The following FAM241A variants were observed in gnomAD, a reference collection of about 807,000 sequenced individuals.
FAM241A encodes uncharacterized protein FAM241A.
In FAM241A, 7 loss-of-function variants were observed where a neutral mutation model predicts 12.2. That is an observed-to-expected ratio of 0.58 (90% CI 0.33 to 1.08). FAM241A has a LOEUF of 1.08. Among genes scored for constraint, FAM241A ranks in the 50% least tolerant of loss-of-function variants. FAM241A has a pLI of 0.04. For missense variants in FAM241A, 161 were observed against 169.7 expected, an observed-to-expected ratio of 0.95 and a Z score of 0.29; for synonymous variants, 74 against 68.2, an observed-to-expected ratio of 1.08 and a Z score of -0.42.
At chr4:112,152,679 CTCT>C (rs1723268145) in intron 1 of FAM241A, among the ~76,000 whole-genome samples, 1 of 152,130 alleles carries the variant, frequency 6.6e-6, no homozygotes, top group African/African-American at 2.4e-5. Context: ...CAACCACTTT[CTCT>C]TCTTCTGCAT....
At chr4:112,168,313 AC>A (rs1228806702) in intron 1 of FAM241A, among the ~76,000 whole-genome samples, 14 of 152,200 alleles carry the variant, frequency 9.2e-5, no homozygotes, top group African/African-American at 3.1e-4. Context: ...AAGCAATTAA[AC>A]TTTTTTTCCC....
intron 1 of FAM241A, among the ~76,000 whole-genome samples, chr4:112,170,785 A>C (rs1448740182): frequency 6.6e-6 from 1 of 152,124 alleles, no homozygotes; most frequent in Non-Finnish European, 1.5e-5. Context: ...AAGGGGGACT[A>C]CTGTAGTATG....
In FAM241A at chr4:112,190,212, T is replaced by C. The variant is rs536664442; in HGVS notation, c.*3274T>C. 19 of 147,232 alleles carry C rather than the reference T, an allele frequency of 1.3e-4. No homozygotes were observed. The highest frequency in any genetic ancestry group is 4.6e-4 in the African/African-American group (18 of 39,164). The allele number at this position is 147,232 out of a possible 1,614,324, so 9.1% of individuals were successfully genotyped here. ...GGAAAAATTACAGTATAAGTAAAGG[T>C]CTGTTGTAATATAGAAAGCTCAAAA... On this transcript the variant is annotated 3_prime_UTR_variant, in exon 2 of 2. Coordinates refer to ENST00000309733, the MANE Select transcript of FAM241A (RefSeq NM_152400.3).
intron 1 of FAM241A, among the ~76,000 whole-genome samples, chr4:112,169,957 G>C (rs1027231944): frequency 2.6e-5 from 4 of 152,132 alleles, no homozygotes; most frequent in Non-Finnish European, 5.9e-5. Flanking sequence ...AGGTAACAAG[G>C]CATTTTTCAA....
intron 1 of FAM241A, among the ~76,000 whole-genome samples, chr4:112,170,217 T>C (rs1723688347): frequency 6.6e-6 from 1 of 152,208 alleles, no homozygotes; most frequent in Non-Finnish European, 1.5e-5. Context: ...TAGAAGTTCA[T>C]TGTTCTTTGT....
intron 1 of FAM241A, among the ~76,000 whole-genome samples, chr4:112,155,907 A>G (rs987981605): frequency 1.3e-5 from 2 of 152,222 alleles, no homozygotes; most frequent in Admixed American, 6.5e-5. Flanking sequence ...AACAGATACT[A>G]TTATTGCCCC....
At chr4:112,157,390 T>C (rs1723375857) in intron 1 of FAM241A, among the ~76,000 whole-genome samples, 1 of 152,122 alleles carries the variant, frequency 6.6e-6, no homozygotes, top group South Asian at 2.1e-4. Context: ...AATAATATTC[T>C]AAGCAATGCC....
intron 1 of FAM241A, among the ~76,000 whole-genome samples, chr4:112,184,369 A>G (rs949233886): frequency 1.2e-4 from 19 of 152,194 alleles, no homozygotes; most frequent in African/African-American, 4.6e-4. Flanking sequence ...GTCTCTAGTA[A>G]ATACAAAAGA....
rs1214369172 is a variant in FAM241A, at chr4:112,187,097, A to AGTG, written c.*159_*160insGTG. On this transcript the variant is annotated 3_prime_UTR_variant, in exon 2 of 2. Transcript: ENST00000309733. ...TATACATGGATGTCACTTAAAACTA[A>AGTG]ACTCTTGATCATAACAGGGTTGAAT... The AGTG allele has an allele frequency of 8.2e-6, 6 of 735,566 alleles. No individual in the cohort carries two copies. Among genetic ancestry groups the AGTG allele is most frequent in the Non-Finnish European group, 1.3e-5 (6 of 444,484 alleles). 45.6% of individuals were successfully genotyped at this position (735,566 alleles called of 1,614,324 possible).
Position 112,165,770 on chromosome 4 carries a change from G to A in FAM241A, c.153+20037G>A, listed in dbSNP as rs188843663. On this transcript the variant is annotated intron_variant, in intron 1 of 1. Transcript: ENST00000309733. ...TACCAGAGGCTGGGAAGGGTAGTGG[G>A]GCGTGAGGGGGAAGTGAGGATGGTT... Among the ~76,000 whole-genome samples, 313 of 152,234 alleles carry A rather than the reference G, an allele frequency of 2.1e-3. 1 individual carries two copies. The highest frequency in any genetic ancestry group is 3.3e-3 in the Non-Finnish European group (226 of 68,000).
intron 1 of FAM241A, among the ~76,000 whole-genome samples, chr4:112,150,942 A>C (rs1393675820): frequency 6.6e-6 from 1 of 152,228 alleles, no homozygotes; most frequent in African/African-American, 2.4e-5. Context: ...TTTTGGACCA[A>C]AGTCCTAACT....
At chr4:112,166,718 C>T (rs1480212841) in intron 1 of FAM241A, among the ~76,000 whole-genome samples, 1 of 152,052 alleles carries the variant, frequency 6.6e-6, no homozygotes, top group Non-Finnish European at 1.5e-5. Context: ...TTGTGAGGAA[C>T]TAATGCTTTG....
chr4:112,145,717 CGAA>C lies in FAM241A; in HGVS notation c.139_141del (p.Lys47del). The C allele has an allele frequency of 8.4e-7, 1 of 1,195,098 alleles. No homozygotes were observed. The highest frequency in any genetic ancestry group is 1.0e-6 in the Non-Finnish European group (1 of 964,374). The allele number at this position is 1,195,098 out of a possible 1,614,324, so 74.0% of individuals were successfully genotyped here. A position where few individuals can be genotyped will look rare whatever the true frequency, so the allele number is the denominator to read the frequency against. ...AGCCCGCGGCGGCGCGGACAGCGGC[CGAA>C]GGAGAGCGAGCAGGTGAGCGCGGGG... On this transcript the variant is annotated inframe_deletion, in exon 1 of 2. Coordinates refer to ENST00000309733, the MANE Select transcript of FAM241A (RefSeq NM_152400.3).
chr4:112,175,188 A>T (rs553082543), intron 1 of FAM241A, among the ~76,000 whole-genome samples: 11 of 152,314 alleles, frequency 7.2e-5, no homozygotes, highest in African/African-American at 2.6e-4. Flanking sequence ...AAAAGACCAA[A>T]AGTAGATATG....
Position 112,145,501 on chromosome 4 carries a change from C to T in FAM241A, c.-80C>T, listed in dbSNP as rs916836058. 6 of 1,179,292 alleles carry T rather than the reference C, an allele frequency of 5.1e-6. No homozygotes were observed. Among genetic ancestry groups the T allele is most frequent in the Non-Finnish European group, 6.3e-6 (6 of 949,426 alleles). The allele number at this position is 1,179,292 out of a possible 1,614,324, so 73.1% of individuals were successfully genotyped here. ...GCGGGTGCGGCGGATCCCAGGGCAG[C>T]CTTCGGGCGGCGGCGCTGCCTGGTG... is the stretch of plus-strand genomic sequence containing the variant. On this transcript the variant is annotated 5_prime_UTR_variant, in exon 1 of 2. Coordinates refer to ENST00000309733, the MANE Select transcript of FAM241A (RefSeq NM_152400.3).
chr4:112,176,225 A>G (rs1723818076), intron 1 of FAM241A, among the ~76,000 whole-genome samples: 1 of 152,238 alleles, frequency 6.6e-6, no homozygotes, highest in African/African-American at 2.4e-5. Context: ...ATCATGAGAA[A>G]GATAATCACT....
Position 112,191,109 on chromosome 4 carries a change from C to G in FAM241A, c.*4171C>G, listed in dbSNP as rs1186441005. 6.6e-6 allele frequency: 1 copy of G among 152,254 alleles called. No homozygotes were observed. Among genetic ancestry groups the G allele is most frequent in the African/African-American group, 2.4e-5 (1 of 41,442 alleles). 9.4% of individuals were successfully genotyped at this position (152,254 alleles called of 1,614,324 possible). ...GCATCCTTCTCCCAAATCTTTAATT[C>G]CTGTTTCCCATCTCAGCAAATGACA... On this transcript the variant is annotated 3_prime_UTR_variant, in exon 2 of 2. Coordinates refer to ENST00000309733, the MANE Select transcript of FAM241A (RefSeq NM_152400.3).
At chr4:112,163,163 A>G (rs979506742) in intron 1 of FAM241A, among the ~76,000 whole-genome samples, 1 of 152,222 alleles carries the variant, frequency 6.6e-6, no homozygotes, top group African/African-American at 2.4e-5. Flanking sequence ...TTAATTCAAA[A>G]TGGATTAAAG....
chr4:112,163,203 A>G (rs1723514482), intron 1 of FAM241A, among the ~76,000 whole-genome samples: 1 of 152,194 alleles, frequency 6.6e-6, no homozygotes, highest in Admixed American at 6.5e-5. Flanking sequence ...AACCATAAAA[A>G]CCCTAGAAGA....
Sources: allele counts gnomAD v4.1 joint callset (sites outside exome capture counted in the v4.1 genomes callset), GRCh38; gene constraint gnomAD v4.1.1; transcripts MANE v1.5; gene names NCBI Gene and HGNC (gene_info 2026-07-23, HGNC 2026-07-21).